Variants in FREM2 observed in about 807,000 individuals in gnomAD.
FREM2 encodes FRAS1-related extracellular matrix protein 2.
FREM2 carries 119 observed loss-of-function variants against 219.9 expected under a neutral mutation model. The ratio of observed to expected loss-of-function variants is 0.54; its 90% confidence interval spans 0.47 to 0.63. The LOEUF is 0.63. Ranked by LOEUF, FREM2 falls within the 30% of genes least tolerant of loss-of-function variation. FREM2 has a pLI of 0.00. For synonymous variants in FREM2, 1,562 were observed against 1,522.8 expected (o/e 1.03, Z -0.60); for missense variants, 4,030 against 3,993.6 (o/e 1.01, Z -0.25).
intron 21 of FREM2, 83 bp downstream of exon 21, chr13:38,877,326 G>A: frequency 6.9e-7 from 1 of 1,443,934 alleles, no homozygotes; most frequent in Non-Finnish European, 9.7e-7. Flanking sequence ...TGTTTGAGGG[G>A]GCAAATTATA....
At chr13:38,865,138 C>A (rs1005914442) in intron 16 of FREM2, among the ~76,000 whole-genome samples, 2 of 152,072 alleles carry the variant, frequency 1.3e-5, no homozygotes, top group African/African-American at 2.4e-5. Context: ...CTCTTCTTCG[C>A]TTTTTGATTC....
chr13:38,737,293 T>G (rs184209309), intron 2 of FREM2, among the ~76,000 whole-genome samples: 1 of 152,352 alleles, frequency 6.6e-6, no homozygotes. Flanking sequence ...GTCTCTAAGC[T>G]TTTGTCATTT....
At chr13:38,843,250 G>A (rs1877025828) in intron 6 of FREM2, among the ~76,000 whole-genome samples, 1 of 150,552 alleles carries the variant, frequency 6.6e-6, no homozygotes, top group African/African-American at 2.4e-5. Context: ...ATCCTCCACT[G>A]ATTGTTTTAT....
intron 16 of FREM2, among the ~76,000 whole-genome samples, chr13:38,865,372 A>G (rs1211459252): frequency 6.6e-6 from 1 of 152,220 alleles, no homozygotes; most frequent in Admixed American, 6.5e-5. Context: ...TATGTAGGGC[A>G]TGATTTAAAA....
intron 6 of FREM2, among the ~76,000 whole-genome samples, chr13:38,838,579 C>G (rs1415455033): frequency 2.0e-5 from 3 of 152,170 alleles, no homozygotes; most frequent in Non-Finnish European, 4.4e-5. Context: ...CTATTCTCCC[C>G]ATCACTTTCA....
intron 2 of FREM2, among the ~76,000 whole-genome samples, chr13:38,763,339 T>C (rs1873305537): frequency 1.3e-5 from 2 of 151,368 alleles, no homozygotes; most frequent in African/African-American, 4.9e-5. Context: ...TTCCCTTGTG[T>C]AGATTTTTTT....
At chr13:38,801,257 C>G (rs548786203) in intron 6 of FREM2, among the ~76,000 whole-genome samples, 1 of 152,170 alleles carries the variant, frequency 6.6e-6, no homozygotes, top group South Asian at 2.1e-4. Flanking sequence ...GTTGATTTCT[C>G]TCTATTGTTT....
chr13:38,853,700 A>T (rs1377335682), intron 11 of FREM2, among the ~76,000 whole-genome samples: 1 of 152,256 alleles, frequency 6.6e-6, no homozygotes, highest in East Asian at 1.9e-4. Flanking sequence ...TTATCCCCAG[A>T]TTATTCTCTA....
intron 2 of FREM2, among the ~76,000 whole-genome samples, chr13:38,763,706 G>C (rs1873326548): frequency 6.6e-6 from 1 of 152,128 alleles, no homozygotes; most frequent in African/African-American, 2.4e-5. Flanking sequence ...ATTTTGGTGG[G>C]AAGATGGAAG....
intron 16 of FREM2, among the ~76,000 whole-genome samples, chr13:38,866,667 C>CA (rs34237877): frequency 0.4 from 46,174 of 115,764 alleles, 8,516 homozygotes; most frequent in South Asian, 0.52. Flanking sequence ...AACTCCATCT[C>CA]AAAAAAAAAA....
At chr13:38,826,002 G>A (rs563258904) in intron 6 of FREM2, among the ~76,000 whole-genome samples, 6 of 152,148 alleles carry the variant, frequency 3.9e-5, no homozygotes, top group South Asian at 2.1e-4. Context: ...ATCATAATGC[G>A]TATGTTTACA....
chr13:38,698,202 G>A (rs1024812785), intron 2 of FREM2, among the ~76,000 whole-genome samples: 44 of 152,124 alleles, frequency 2.9e-4, no homozygotes, highest in African/African-American at 5.3e-4. Context: ...TTTGCTCATG[G>A]GTTCTGTGTG....
intron 2 of FREM2, among the ~76,000 whole-genome samples, chr13:38,738,306 C>T (rs1872081094): frequency 6.6e-6 from 1 of 152,036 alleles, no homozygotes; most frequent in African/African-American, 2.4e-5. Context: ...TGGCTCACAC[C>T]TGTAATCTCA....
At position 38,872,818 on chromosome 13, in the gene FREM2, G is replaced by A. The variant is rs1013895772; in HGVS notation, c.8060G>A (p.Gly2687Glu). 5.6e-6 allele frequency: 9 copies of A among 1,613,918 alleles called. No homozygotes were observed. Among genetic ancestry groups the A allele is most frequent in the Middle Eastern group, 3.3e-4 (2 of 6,080 alleles). Reference sequence around the variant, plus strand: ...TCCTACGTGTTCCATTCCCCCGTGGGGGTAGGAGGCTGGCAGCATTTTGAC... The same window carrying A: ...TCCTACGTGTTCCATTCCCCCGTGGAGGTAGGAGGCTGGCAGCATTTTGAC... ...YVSYVFHSPV[G>E]VGGWQHFDLK... The change falls in exon 17 of 24, where the codon GGG becomes GAG. Residue 2687 changes from glycine (G) to glutamate (E), a missense_variant. Transcript: ENST00000280481.
chr13:38,689,953 A>G lies in FREM2; in HGVS notation c.2609A>G (p.Gln870Arg). 1 of 1,614,174 alleles carries G rather than the reference A, an allele frequency of 6.2e-7. No individual in the cohort carries two copies. Residue 870 changes from glutamine to arginine, a missense_variant, in exon 1 of 24, where the codon CAG (glutamine) becomes CGG (arginine). Gln to Arg is a conservative substitution (Grantham distance 43). Around this residue, in one of 2 missense-constraint regions of FREM2, gnomAD observed 3,102 missense variants for 2,950.7 expected, o/e 1.05. Transcript: ENST00000280481. ...GCCCATATCTCTTTCACTCTCACTC[A>G]GGCACCCAAACATGGCCACATGAGA... The part of the protein sequence containing the change: ...DVAHISFTLT[Q>R]APKHGHMRVS...
At chr13:38,831,044 C>G (rs1236058331) in intron 6 of FREM2, among the ~76,000 whole-genome samples, 1 of 152,102 alleles carries the variant, frequency 6.6e-6, no homozygotes, top group Non-Finnish European at 1.5e-5. Context: ...TCTGTGACCA[C>G]CTTTGGGAAA....
chr13:38,857,138 G>A (rs117949846), intron 12 of FREM2, among the ~76,000 whole-genome samples: 2,031 of 152,138 alleles, frequency 0.013, 30 homozygotes, highest in Non-Finnish European at 0.021. Flanking sequence ...ATGGAGTAGC[G>A]TATGAAATTC....
At chr13:38,777,056 T>A (rs968452678) in intron 4 of FREM2, among the ~76,000 whole-genome samples, 1 of 151,698 alleles carries the variant, frequency 6.6e-6, no homozygotes, top group Non-Finnish European at 1.5e-5. Flanking sequence ...TCCATATACA[T>A]ACTAATATAC....
At chr13:38,803,485 A>G (rs1161660698) in intron 6 of FREM2, among the ~76,000 whole-genome samples, 1 of 152,126 alleles carries the variant, frequency 6.6e-6, no homozygotes, top group Non-Finnish European at 1.5e-5. Flanking sequence ...CAATGCTCTC[A>G]TTTTGTGCAG....
Sources: allele counts gnomAD v4.1 joint callset (sites outside exome capture counted in the v4.1 genomes callset), GRCh38; gene constraint gnomAD v4.1.1; regional missense constraint gnomAD v4.1.1; transcripts MANE v1.5; gene names NCBI Gene and HGNC (gene_info 2026-07-23, HGNC 2026-07-21).